PRORP: variants seen among roughly 807,000 people sequenced by gnomAD.
PRORP encodes the protein mitochondrial ribonuclease P catalytic subunit.
In PRORP, 51 loss-of-function variants were observed where a neutral mutation model predicts 59.4. That is an observed-to-expected ratio of 0.86 (90% CI 0.69 to 1.08). The LOEUF is 1.08. Among genes scored for constraint, PRORP ranks in the 50% least tolerant of loss-of-function variants. The pLI, the probability that PRORP is intolerant of heterozygous loss-of-function variation, is 0.00. For missense variants in PRORP, 646 were observed against 690.3 expected (o/e 0.94, Z 0.72); for synonymous variants, 231 against 245.6 (o/e 0.94, Z 0.55).
chr14:35,180,951 A>G (rs1196962350), intron 5 of PRORP, among the ~76,000 whole-genome samples, 174 bp downstream of exon 5: 2 of 152,154 alleles, frequency 1.3e-5, no homozygotes, highest in South Asian at 2.1e-4. Flanking sequence ...TTCATCACTA[A>G]TAAGTCGCTC....
At chr14:35,270,630 G>A (rs368572957) in intron 7 of PRORP, 34 bp downstream of exon 7, 279 of 1,562,366 alleles carry the variant, frequency 1.8e-4, no homozygotes, top group Non-Finnish European at 1.9e-4. Flanking sequence ...AATATTAACA[G>A]AGTCAAGTAT....
chr14:35,218,459 T>A (rs1210642976), intron 5 of PRORP, among the ~76,000 whole-genome samples: 14 of 44,770 alleles, frequency 3.1e-4, no homozygotes, highest in South Asian at 2.7e-3. Flanking sequence ...AGATCCTGTC[T>A]AAAAAAAGAA....
chr14:35,276,938 T>C lies in PRORP; in HGVS notation c.*3372T>C, dbSNP rs766781894. ...GTCTACCTCATCTGAGGTGGCTTAT[T>C]CTTCATAGGAAATTAATTTTTCTTC... On this transcript the variant is annotated 3_prime_UTR_variant, in exon 8 of 8. Coordinates refer to ENST00000534898, the MANE Select transcript of PRORP (RefSeq NM_014672.4). The C allele has an allele frequency of 6.6e-6, 1 of 152,186 alleles. No individual in the cohort carries two copies. The highest frequency in any genetic ancestry group is 1.5e-5 in the Non-Finnish European group (1 of 68,032). 9.4% of individuals were successfully genotyped at this position (152,186 alleles called of 1,614,324 possible).
chr14:35,243,534 TA>T (rs35841850), intron 5 of PRORP, among the ~76,000 whole-genome samples: 432 of 138,014 alleles, frequency 3.1e-3, no homozygotes, highest in Non-Finnish European at 2.9e-3. Flanking sequence ...AGACCATGTC[TA>T]AAAAAAAAAA....
chr14:35,250,731 T>A (rs2050593181), intron 5 of PRORP, among the ~76,000 whole-genome samples: 1 of 152,202 alleles, frequency 6.6e-6, no homozygotes, highest in Non-Finnish European at 1.5e-5. Flanking sequence ...AATAGGCCCC[T>A]ACTTGTTTCC....
At chr14:35,261,769 A>G (rs573114564) in intron 5 of PRORP, among the ~76,000 whole-genome samples, 26 of 152,168 alleles carry the variant, frequency 1.7e-4, no homozygotes, top group African/African-American at 6.0e-4. Context: ...TACCTATGAC[A>G]CTGATTCAGA....
At chr14:35,225,996 T>C (rs373953812) in intron 5 of PRORP, among the ~76,000 whole-genome samples, 67 of 152,372 alleles carry the variant, frequency 4.4e-4, no homozygotes, top group African/African-American at 1.6e-3. Context: ...ACTAGACTTC[T>C]GGTGACCTAG....
At chr14:35,156,028 G>GA (rs2047905423) in intron 4 of PRORP, among the ~76,000 whole-genome samples, 1 of 152,116 alleles carries the variant, frequency 6.6e-6, no homozygotes. Flanking sequence ...GGAGGAGTTT[G>GA]AAAAAATCCT....
chr14:35,212,827 G>T (rs181833472), intron 5 of PRORP, among the ~76,000 whole-genome samples: 1 of 152,288 alleles, frequency 6.6e-6, no homozygotes, highest in South Asian at 2.1e-4. Flanking sequence ...TTGAAGCCAG[G>T]CATTGACTTC....
At chr14:35,152,086 G>C (rs536612856) in intron 4 of PRORP, among the ~76,000 whole-genome samples, 3 of 152,098 alleles carry the variant, frequency 2.0e-5, no homozygotes, top group African/African-American at 4.8e-5. Context: ...GCGGCCCTCC[G>C]CAGTGTCTGT....
intron 4 of PRORP, among the ~76,000 whole-genome samples, chr14:35,173,568 C>G (rs1356580702): frequency 1.3e-5 from 2 of 152,076 alleles, no homozygotes; most frequent in Non-Finnish European, 2.9e-5. Flanking sequence ...ATTTTCCAGC[C>G]TCTGGTTGCC....
rs1267275799 is a variant in PRORP, at chr14:35,214,434, A to G, written c.1275+33657A>G. Among the ~76,000 whole-genome samples the G allele has an allele frequency of 2.0e-5, 3 of 152,224 alleles. No individual in the cohort carries two copies. The East Asian group carries it at 5.8e-4, about 29-fold the overall frequency. On this transcript the variant is annotated intron_variant, in intron 5 of 7. Transcript: ENST00000534898. ...TTTCTGAAGTTAAATGGAATGATTTATATGCTTATCTTCTGTTGCATCTTA... is the reference window on the plus strand; with the variant it reads ...TTTCTGAAGTTAAATGGAATGATTTGTATGCTTATCTTCTGTTGCATCTTA...
intron 4 of PRORP, among the ~76,000 whole-genome samples, chr14:35,179,158 C>A (rs891586713): frequency 2.0e-5 from 3 of 152,326 alleles, no homozygotes; most frequent in Admixed American, 6.5e-5. Context: ...ACCTTTCTCT[C>A]TAGCTGCCCT....
At chr14:35,202,118 C>G (rs963609470) in intron 5 of PRORP, among the ~76,000 whole-genome samples, 1 of 151,522 alleles carries the variant, frequency 6.6e-6, no homozygotes. Flanking sequence ...TACAGGCGCC[C>G]GCCACCACGC....
In PRORP at chr14:35,274,640, C is replaced by G. The variant is rs2051272769; in HGVS notation, c.*1074C>G. ...TCTAGCCTGGGTGACAGAGCGAGAC[C>G]TTGTCTCAAAACAAAACAAAGTGCT... On this transcript the variant is annotated 3_prime_UTR_variant, in exon 8 of 8. Transcript: ENST00000534898. The G allele has an allele frequency of 6.6e-6, 1 of 152,116 alleles. No individual in the cohort carries two copies. 9.4% of individuals were successfully genotyped at this position (152,116 alleles called of 1,614,324 possible). A position where few individuals can be genotyped will look rare whatever the true frequency, so the allele number is the denominator to read the frequency against.
intron 2 of PRORP, among the ~76,000 whole-genome samples, chr14:35,124,981 C>T (rs2047062206): frequency 1.3e-5 from 2 of 151,260 alleles, no homozygotes; most frequent in African/African-American, 4.9e-5. Flanking sequence ...CTGCCTCACA[C>T]TCCCGAGTAG....
At chr14:35,212,529 T>C (rs2049474925) in intron 5 of PRORP, among the ~76,000 whole-genome samples, 1 of 152,178 alleles carries the variant, frequency 6.6e-6, no homozygotes, top group Non-Finnish European at 1.5e-5. Flanking sequence ...CTTGTATATC[T>C]CCATAAGAGC....
At chr14:35,135,558 T>C (rs1028836470) in intron 4 of PRORP, among the ~76,000 whole-genome samples, 2 of 152,152 alleles carry the variant, frequency 1.3e-5, no homozygotes, top group East Asian at 3.9e-4. Flanking sequence ...AGCAGTGGCA[T>C]CCAGGAGAGG....
chr14:35,173,276 A>G (rs1298445120), intron 4 of PRORP, among the ~76,000 whole-genome samples: 1 of 152,238 alleles, frequency 6.6e-6, no homozygotes, highest in Non-Finnish European at 1.5e-5. Flanking sequence ...TGAATGACAC[A>G]TTGCAGAGGC....
Sources: gnomAD v4.1 joint callset for allele counts (sites outside exome capture counted in the v4.1 genomes callset) on GRCh38, gnomAD v4.1.1 for gene constraint, MANE v1.5 for transcripts, NCBI Gene and HGNC (gene_info 2026-07-23, HGNC 2026-07-21) for gene names.